The following OXSR1 variants were observed in gnomAD, a reference collection of about 807,000 sequenced individuals.
The protein encoded by OXSR1 is oxidative stress responsive kinase 1.
Under a neutral mutation model 79.8 loss-of-function variants are expected in OXSR1, and 24 were observed. The observed-to-expected ratio is 0.30, with a 90% CI of 0.22 to 0.42. The LOEUF (loss-of-function observed/expected upper bound fraction) is 0.42. Among genes scored for constraint, OXSR1 ranks in the 10% least tolerant of loss-of-function variants. The pLI is 1.00. For synonymous variants in OXSR1, 226 were observed against 209.2 expected, an observed-to-expected ratio of 1.08 and a Z score of -0.69; for missense variants, 430 against 618.4, an observed-to-expected ratio of 0.70 and a Z score of 3.23.
chr3:38,165,745 C>T lies in OXSR1; in HGVS notation c.-132C>T. On this transcript the variant is annotated 5_prime_UTR_variant, in exon 1 of 18. Coordinates refer to ENST00000311806, the MANE Select transcript of OXSR1 (RefSeq NM_005109.3). ...CCCCGCGCCCCGGCGCCGTCCGACC[C>T]GTGGCTGTTCCGAGACGATTGGTGG... The T allele has an allele frequency of 1.3e-6, 1 of 792,188 alleles. No individual in the cohort carries two copies. The highest frequency in any genetic ancestry group is 1.8e-5 in the African/African-American group (1 of 56,302). 49.1% of individuals were successfully genotyped at this position (792,188 alleles called of 1,614,324 possible).
At chr3:38,213,274 CCTTA>C (rs1424852207) in intron 4 of OXSR1, among the ~76,000 whole-genome samples, 1 of 152,090 alleles carries the variant, frequency 6.6e-6, no homozygotes, top group Admixed American at 6.6e-5. Context: ...GAAAATGGCA[CCTTA>C]CTTTTATGGT....
intron 1 of OXSR1, among the ~76,000 whole-genome samples, chr3:38,178,602 CTA>C (rs1286921432): frequency 2.3e-3 from 213 of 90,990 alleles, no homozygotes; most frequent in East Asian, 8.5e-3. Flanking sequence ...CCATATCCAG[CTA>C]TATATATATA....
chr3:38,251,497 T>TACTAAGTATACAGACAGAGACACAGGA, intron 16 of OXSR1, 26 bp downstream of exon 16: 1 of 1,562,622 alleles, frequency 6.4e-7, no homozygotes, highest in Non-Finnish European at 8.8e-7. Context: ...TCTGCTCATG[T>TACTAAGTATACAGACAGAGACACAGGA]GCTCCTGTGT....
intron 4 of OXSR1, among the ~76,000 whole-genome samples, chr3:38,211,651 C>T (rs1331540326): frequency 6.6e-6 from 1 of 152,086 alleles, no homozygotes; most frequent in African/African-American, 2.4e-5. Context: ...AGTTTTAGCT[C>T]CTAACCTTAT....
intron 2 of OXSR1, among the ~76,000 whole-genome samples, chr3:38,187,411 A>G (rs1701905431): frequency 6.6e-6 from 1 of 152,230 alleles, no homozygotes; most frequent in African/African-American, 2.4e-5. Context: ...CCTGGATGGA[A>G]AATACATTAG....
In OXSR1 at chr3:38,214,703, A is replaced by G. The variant is rs910586050; in HGVS notation, c.435-1393A>G. On this transcript the variant is annotated intron_variant, in intron 4 of 17. Coordinates refer to ENST00000311806, the MANE Select transcript of OXSR1 (RefSeq NM_005109.3). ...CAGCCTCTGGGAGAACTACCTATAA[A>G]TTGCTTGGGATTATAAGCAGTACAA... Among the ~76,000 whole-genome samples the G allele has an allele frequency of 1.3e-4, 20 of 152,224 alleles. 1 individual carries two copies. The highest frequency in any genetic ancestry group is 4.8e-4 in the African/African-American group (20 of 41,466).
chr3:38,198,720 A>G lies in OXSR1; in HGVS notation c.293-2A>G. ...TTAGAAAATTATGTCTTCTGTTTTC[A>G]GGTTCTGTTCTGGATATTATTAAGC... is the stretch of plus-strand genomic sequence containing the variant. On this transcript the variant is annotated splice_acceptor_variant, in intron 3 of 17. Transcript: ENST00000311806. LOFTEE classifies it high-confidence loss of function. 6.2e-7 allele frequency: 1 copy of G among 1,605,906 alleles called. No individual in the cohort carries two copies. The highest frequency in any genetic ancestry group is 8.5e-7 in the Non-Finnish European group (1 of 1,175,440).
chr3:38,166,392 C>T (rs1256437499), intron 1 of OXSR1, among the ~76,000 whole-genome samples: 1 of 152,098 alleles, frequency 6.6e-6, no homozygotes, highest in Non-Finnish European at 1.5e-5. Context: ...ACTGGGGATC[C>T]TCCAGGTGAA....
chr3:38,186,880 T>G (rs1029905264), intron 2 of OXSR1, among the ~76,000 whole-genome samples: 2 of 152,228 alleles, frequency 1.3e-5, no homozygotes, highest in Non-Finnish European at 2.9e-5. Flanking sequence ...TTTGAAAAAC[T>G]GCCAAGCTAT....
chr3:38,182,556 G>C (rs1039160515), intron 1 of OXSR1, among the ~76,000 whole-genome samples: 7 of 152,138 alleles, frequency 4.6e-5, no homozygotes, highest in African/African-American at 1.7e-4. Context: ...AAGCCTCTCT[G>C]GTGTCCAGTC....
intron 4 of OXSR1, among the ~76,000 whole-genome samples, chr3:38,213,149 T>C (rs1442829179): frequency 6.6e-6 from 1 of 152,212 alleles, no homozygotes; most frequent in Admixed American, 6.5e-5. Flanking sequence ...GTGAGTAATA[T>C]GTATATATGG....
chr3:38,212,206 C>T (rs930690089), intron 4 of OXSR1, among the ~76,000 whole-genome samples: 7 of 152,132 alleles, frequency 4.6e-5, no homozygotes, highest in African/African-American at 1.7e-4. Flanking sequence ...ACACTGAGAC[C>T]TAGGCTTAGG....
intron 8 of OXSR1, among the ~76,000 whole-genome samples, chr3:38,226,503 A>G (rs1702691206): frequency 6.6e-6 from 1 of 152,048 alleles, no homozygotes; most frequent in East Asian, 1.9e-4. Context: ...GTAGAGTATG[A>G]AAAAGGAAAA....
intron 11 of OXSR1, among the ~76,000 whole-genome samples, chr3:38,239,667 C>G (rs1025056041): frequency 6.6e-6 from 1 of 152,192 alleles, no homozygotes; most frequent in African/African-American, 2.4e-5. Flanking sequence ...TCCTCACATG[C>G]ACTCGTTGAT....
chr3:38,209,364 C>T (rs181844567), intron 4 of OXSR1, among the ~76,000 whole-genome samples: 2 of 151,936 alleles, frequency 1.3e-5, no homozygotes, highest in Non-Finnish European at 2.9e-5. Flanking sequence ...CCCACAGGTG[C>T]TCACTACTAT....
intron 4 of OXSR1, 117 bp downstream of exon 4, chr3:38,198,980 A>G: frequency 1.3e-6 from 1 of 792,796 alleles, no homozygotes; most frequent in Admixed American, 2.3e-5. Context: ...GTTTTAGTAC[A>G]CTGTGGTTAG....
chr3:38,229,810 G>A, intron 9 of OXSR1, 75 bp downstream of exon 9: 1 of 1,097,874 alleles, frequency 9.1e-7, no homozygotes, highest in Non-Finnish European at 1.4e-6. Flanking sequence ...TCAGTGCTTA[G>A]AAGTTGGATG....
At chr3:38,250,309 A>G (rs1275735580) in intron 15 of OXSR1, 1 of 286,812 alleles carries the variant, frequency 3.5e-6, no homozygotes, top group African/African-American at 2.2e-5. Context: ...ACAGCAGTCT[A>G]CTAAGGAAAA....
chr3:38,197,501 T>C (rs1178207927), intron 3 of OXSR1, among the ~76,000 whole-genome samples: 1 of 152,264 alleles, frequency 6.6e-6, no homozygotes, highest in Non-Finnish European at 1.5e-5. Flanking sequence ...CTAAATGGCA[T>C]AGCTCCTCTG....
Sources: allele counts gnomAD v4.1 joint callset (sites outside exome capture counted in the v4.1 genomes callset), GRCh38; gene constraint gnomAD v4.1.1; transcripts MANE v1.5; gene names NCBI Gene and HGNC (gene_info 2026-07-23, HGNC 2026-07-21).